MTUS1: variants seen among roughly 807,000 people sequenced by gnomAD.
MTUS1 encodes the protein microtubule associated scaffold protein 1.
Under a neutral mutation model 120.8 loss-of-function variants are expected in MTUS1, and 109 were observed. The observed-to-expected ratio is 0.90, with a 90% CI of 0.77 to 1.06. MTUS1 has a LOEUF of 1.06. Among genes scored for constraint, MTUS1 ranks in the 50% least tolerant of loss-of-function variants. MTUS1 has a pLI of 0.00. For missense variants in MTUS1, 2,210 were observed against 1,486.3 expected, an observed-to-expected ratio of 1.49 and a Z score of -8.01; for synonymous variants, 737 against 550.5, an observed-to-expected ratio of 1.34 and a Z score of -4.74.
intron 2 of MTUS1, among the ~76,000 whole-genome samples, chr8:17,752,401 A>T (rs978006264): frequency 9.2e-5 from 14 of 152,228 alleles, no homozygotes; most frequent in African/African-American, 3.1e-4. Flanking sequence ...AAAATTATAA[A>T]TGATATCGGT....
In MTUS1 at chr8:17,645,897, T is replaced by C; in HGVS notation, c.*29A>G. The stretch of plus-strand genomic sequence containing the variant: ...CCTGCAGACCTGCATCAAAATGCTT[T>C]CAGAGAGTCTGTGGACTTTGGGGAG... On this transcript the variant is annotated 3_prime_UTR_variant, in exon 15 of 15. Coordinates refer to ENST00000693296, the MANE Select transcript of MTUS1 (RefSeq NM_001363059.2). 2 of 1,597,602 alleles carry C rather than the reference T, an allele frequency of 1.3e-6. No individual in the cohort carries two copies. Among genetic ancestry groups the C allele is most frequent in the Non-Finnish European group, 1.7e-6 (2 of 1,173,008 alleles).
chr8:17,663,477 A>G (rs1180218665), intron 8 of MTUS1, among the ~76,000 whole-genome samples: 2 of 152,194 alleles, frequency 1.3e-5, no homozygotes, highest in African/African-American at 2.4e-5. Context: ...CAAGAACATA[A>G]ATAAATGTCC....
At chr8:17,733,842 C>A (rs922190559) in intron 3 of MTUS1, among the ~76,000 whole-genome samples, 1 of 152,260 alleles carries the variant, frequency 6.6e-6, no homozygotes, top group South Asian at 2.1e-4. Context: ...TCAGTCAAGT[C>A]CTGAAAAATA....
chr8:17,763,796 G>T (rs76430671), intron 1 of MTUS1, among the ~76,000 whole-genome samples: 1 of 152,276 alleles, frequency 6.6e-6, no homozygotes, highest in East Asian at 1.9e-4. Context: ...TGTTTTGCAG[G>T]TAATGCTGTG....
intron 3 of MTUS1, chr8:17,724,168 A>AC (rs1379995439): frequency 6.4e-6 from 3 of 469,646 alleles, no homozygotes; most frequent in African/African-American, 6.1e-5. Context: ...CAAAACTGAA[A>AC]TAAAAAAATA....
intron 1 of MTUS1, among the ~76,000 whole-genome samples, chr8:17,778,146 A>T (rs914289086): frequency 2.0e-5 from 3 of 151,478 alleles, no homozygotes; most frequent in Non-Finnish European, 4.4e-5. Context: ...CGGGTAGATT[A>T]TTTTTTTTTA....
At position 17,653,251 on chromosome 8, in the gene MTUS1, C is replaced by T. The variant is rs201891925; in HGVS notation, c.3319G>A (p.Asp1107Asn). The T allele has an allele frequency of 6.8e-5, 106 of 1,558,670 alleles. No individual in the cohort carries two copies. The East Asian group carries it at 2.4e-3, about 35-fold the overall frequency. Residue 1107 changes from aspartate to asparagine, a missense_variant, in exon 12 of 15, where the codon GAT (aspartate) becomes AAT (asparagine). Physicochemically the swap from Asp to Asn is conservative, Grantham distance 23. Transcript: ENST00000693296. Reference protein sequence around the residue: ...KQINDLKSENDALNEKLKSEE... With the variant: ...KQINDLKSENNALNEKLKSEE... ...GATTTCAATTTTTCATTTAAAGCAT[C>T]ATTTTCACTCTTCAGATCATTGATT... is the stretch of plus-strand genomic sequence containing the variant.
intron 1 of MTUS1, among the ~76,000 whole-genome samples, chr8:17,789,928 T>C (rs1006078990): frequency 3.9e-5 from 6 of 152,176 alleles, no homozygotes; most frequent in African/African-American, 1.4e-4. Context: ...ATTCGTCTCT[T>C]CCCAGTTCTG....
intron 6 of MTUS1, among the ~76,000 whole-genome samples, chr8:17,708,298 T>C (rs1383726935): frequency 6.6e-6 from 1 of 152,204 alleles, no homozygotes; most frequent in African/African-American, 2.4e-5. Flanking sequence ...ATGATTTGAA[T>C]AGACACTTCT....
rs1807527435 is a variant in MTUS1, at chr8:17,653,564, TTAAAGCATA to T, written c.3215-75_3215-67del. ...ATGAGATCAATGTACTCTAAAACAG[TTAAAGCATA>T]TAGATGTAGGGGTTGATGATGAAGC... On this transcript the variant is annotated intron_variant, in intron 10 of 14. Coordinates refer to ENST00000693296, the MANE Select transcript of MTUS1 (RefSeq NM_001363059.2). The T allele has an allele frequency of 8.8e-6, 10 of 1,138,612 alleles. No homozygotes were observed. In the South Asian group the frequency reaches 1.3e-4, roughly 15 times the overall value. 70.5% of individuals were successfully genotyped at this position (1,138,612 alleles called of 1,614,324 possible).
chr8:17,710,995 G>A (rs1821165444), intron 6 of MTUS1, among the ~76,000 whole-genome samples: 2 of 152,186 alleles, frequency 1.3e-5, no homozygotes, highest in Admixed American at 1.3e-4. Flanking sequence ...CTCTTGAGTT[G>A]TAGGTCTTAA....
Position 17,755,274 on chromosome 8 carries a change from G to A in MTUS1, c.534C>T (p.Ile178=), listed in dbSNP as rs1337423153. Residue 178 remains isoleucine (I), a synonymous_variant, in exon 2 of 15, where the codon ATC becomes ATT. Coordinates refer to ENST00000693296, the MANE Select transcript of MTUS1 (RefSeq NM_001363059.2). ...CAGTATGGAAGGACTGACTCTTTCC[G>A]ATGGCATGATGTGATATAAAGGTGC... ...VNCTFISHHA[I]GKSQSFHTAG... 1.3e-5 allele frequency: 21 copies of A among 1,614,046 alleles called. No homozygotes were observed. Among genetic ancestry groups the A allele is most frequent in the Admixed American group, 3.3e-5 (2 of 60,008 alleles).
intron 1 of MTUS1, among the ~76,000 whole-genome samples, chr8:17,769,821 A>T (rs1406951837): frequency 6.7e-6 from 1 of 148,508 alleles, no homozygotes; most frequent in Admixed American, 6.8e-5. Flanking sequence ...ATTTTAAATC[A>T]TAAGCACTCA....
intron 8 of MTUS1, among the ~76,000 whole-genome samples, chr8:17,663,375 T>A (rs763761222): frequency 6.6e-6 from 1 of 152,202 alleles, no homozygotes; most frequent in Non-Finnish European, 1.5e-5. Context: ...CCCGACATTG[T>A]TAATATTCTT....
intron 3 of MTUS1, among the ~76,000 whole-genome samples, chr8:17,731,058 T>C (rs1412130209): frequency 6.6e-6 from 1 of 152,078 alleles, no homozygotes; most frequent in Non-Finnish European, 1.5e-5. Flanking sequence ...ATAATAAAAG[T>C]CCTACTGGAA....
chr8:17,791,546 C>T (rs190459672), intron 1 of MTUS1, among the ~76,000 whole-genome samples: 5 of 152,300 alleles, frequency 3.3e-5, no homozygotes, highest in African/African-American at 1.2e-4. Flanking sequence ...ACATAATTTA[C>T]AGACTTTACC....
rs577090122 is a variant in MTUS1 at position 17,768,806 on chromosome 8, C to T, written c.-154-12845G>A. ...TGGGCAGACAGCATTCCAAAGTCCT[C>T]TAAAACTGATATCAACACACCAGAA... On this transcript the variant is annotated intron_variant, in intron 1 of 14. Coordinates refer to ENST00000693296, the MANE Select transcript of MTUS1 (RefSeq NM_001363059.2). Among the ~76,000 whole-genome samples, 3 of 152,214 alleles carry T rather than the reference C, an allele frequency of 2.0e-5. No individual in the cohort carries two copies. The South Asian group carries it at 6.2e-4, about 32-fold the overall frequency.
At chr8:17,797,602 GATCGCTC>G (rs1304666289) in intron 1 of MTUS1, among the ~76,000 whole-genome samples, 23 of 151,990 alleles carry the variant, frequency 1.5e-4, no homozygotes, top group Non-Finnish European at 2.8e-4. Flanking sequence ...CTGTGGGTGG[GATCGCTC>G]ATCCTCCTTC....
At chr8:17,718,545 G>A (rs1822766756) in intron 4 of MTUS1, among the ~76,000 whole-genome samples, 1 of 152,082 alleles carries the variant, frequency 6.6e-6, no homozygotes, top group Admixed American at 6.5e-5. Flanking sequence ...ACTGAGGCTG[G>A]ATGCATCCTC....
Sources: allele counts gnomAD v4.1 joint callset (sites outside exome capture counted in the v4.1 genomes callset), GRCh38; gene constraint gnomAD v4.1.1; transcripts MANE v1.5; gene names NCBI Gene and HGNC (gene_info 2026-07-23, HGNC 2026-07-21).